The following WAC variants were observed in gnomAD, a reference collection of about 807,000 sequenced individuals.
WAC encodes the protein WW domain-containing adapter protein with coiled-coil.
In WAC, 11 loss-of-function variants were observed where a neutral mutation model predicts 79.6. The ratio of observed to expected loss-of-function variants is 0.14; its 90% CI spans 0.09 to 0.23. The LOEUF (loss-of-function observed/expected upper bound fraction) is 0.23, where lower values mean the gene tolerates loss of function less well. WAC is among the 10% of genes least tolerant of loss of function. The pLI, the probability that WAC is intolerant of heterozygous loss-of-function variation, is 1.00. For missense variants in WAC, 728 were observed against 773.5 expected (o/e 0.94, Z 0.70); for synonymous variants, 304 against 276.9 (o/e 1.10, Z -0.97).
At chr10:28,542,079 ACTCT>A (rs556656679) in intron 3 of WAC, among the ~76,000 whole-genome samples, 230 of 151,684 alleles carry the variant, frequency 1.5e-3, no homozygotes, top group African/African-American at 5.2e-3. Context: ...TGTTTGTGCT[ACTCT>A]CTCCATACTG....
Position 28,579,563 on chromosome 10 carries a change from T to C in WAC, c.275-3836T>C, listed in dbSNP as rs147817917. ...AATCTAAAACTTGTGAGGTCGCATA[T>C]AAAAATTCATGTGATATTTTAAGAT... On this transcript the variant is annotated intron_variant, in intron 3 of 13. Transcript: ENST00000354911. 5.9e-5 allele frequency among the ~76,000 whole-genome samples: 9 copies of C among 152,310 alleles called. No individual in the cohort carries two copies. The East Asian group carries it at 1.7e-3, about 29-fold the overall frequency.
chr10:28,608,483 T>C (rs757570055), intron 8 of WAC, 52 bp downstream of exon 8: 206 of 1,484,270 alleles, frequency 1.4e-4, no homozygotes, highest in Non-Finnish European at 1.7e-4. Flanking sequence ...TGCAAAGTTA[T>C]GTAAGTAGTA....
At chr10:28,589,068 C>T (rs1839967559) in intron 4 of WAC, 1 of 152,128 alleles carries the variant, frequency 6.6e-6, no homozygotes, top group Non-Finnish European at 1.5e-5. Context: ...GTTACGTTGT[C>T]TATAAAACTA....
At chr10:28,576,488 C>G (rs1839252339) in intron 3 of WAC, among the ~76,000 whole-genome samples, 1 of 152,054 alleles carries the variant, frequency 6.6e-6, no homozygotes, top group African/African-American at 2.4e-5. Flanking sequence ...TGAGATTTTT[C>G]CAAGTAGTGA....
intron 6 of WAC, 62 bp from the exon 7 acceptor site, chr10:28,595,671 T>C: frequency 6.7e-7 from 1 of 1,492,526 alleles, no homozygotes. Flanking sequence ...GATTCTAATG[T>C]AATCTTTTTT....
Position 28,622,220 on chromosome 10 carries a change from A to G in WAC, c.*2614A>G, listed in dbSNP as rs1041392070. 1 of 152,204 alleles carries G rather than the reference A, an allele frequency of 6.6e-6. No homozygotes were observed. The highest frequency in any genetic ancestry group is 1.5e-5 in the Non-Finnish European group (1 of 68,038). The allele number at this position is 152,204 out of a possible 1,614,324, so 9.4% of individuals were successfully genotyped here. On this transcript the variant is annotated 3_prime_UTR_variant, in exon 14 of 14. Transcript: ENST00000354911. ...ACAGAAAATCTAAAATTTTGTGGAAATATTTTAAATATTGCACCTTAATAC... is the reference window on the plus strand; with the variant it reads ...ACAGAAAATCTAAAATTTTGTGGAAGTATTTTAAATATTGCACCTTAATAC...
intron 3 of WAC, among the ~76,000 whole-genome samples, chr10:28,560,097 T>C (rs1214377726): frequency 6.6e-6 from 1 of 152,068 alleles, no homozygotes; most frequent in Non-Finnish European, 1.5e-5. Flanking sequence ...ATCCCAGCAC[T>C]TTGGGAGGCT....
chr10:28,532,929 G>C (rs1836338278), upstream of WAC: 1 of 153,126 alleles, frequency 6.5e-6, no homozygotes, highest in Non-Finnish European at 1.5e-5. Context: ...TCGCGAGTGA[G>C]GAAAAGAAGG....
intron 3 of WAC, among the ~76,000 whole-genome samples, chr10:28,546,201 A>G (rs1837340350): frequency 6.6e-6 from 1 of 152,200 alleles, no homozygotes; most frequent in Non-Finnish European, 1.5e-5. Context: ...CCTGTTCTGT[A>G]TTCATAGAAC....
intron 3 of WAC, among the ~76,000 whole-genome samples, chr10:28,556,174 T>A (rs1363667705): frequency 6.6e-6 from 1 of 152,128 alleles, no homozygotes; most frequent in Non-Finnish European, 1.5e-5. Context: ...TTCCATTATT[T>A]CCACCAATAG....
intron 3 of WAC, among the ~76,000 whole-genome samples, chr10:28,558,958 C>T (rs564066846): frequency 6.6e-6 from 1 of 152,142 alleles, no homozygotes; most frequent in East Asian, 1.9e-4. Flanking sequence ...GCAAATCAAC[C>T]CAGCTCAATT....
intron 3 of WAC, among the ~76,000 whole-genome samples, chr10:28,541,281 A>G (rs1249615305): frequency 6.6e-6 from 1 of 152,040 alleles, no homozygotes; most frequent in African/African-American, 2.4e-5. Context: ...GTAGTGCATC[A>G]TTTTGTTATG....
At position 28,621,215 on chromosome 10, in the gene WAC, A is replaced by ATTTTT. The variant is rs9331408; in HGVS notation, c.*1625_*1629dup. ...TAAATTGGTTTAGGGTTTTTTGGTG[A>ATTTTT]TTTTTTTTTTTTTTTTTTTTCTGTT... On this transcript the variant is annotated 3_prime_UTR_variant, in exon 14 of 14. Coordinates refer to ENST00000354911, the MANE Select transcript of WAC (RefSeq NM_016628.5). 3 of 102,500 alleles carry ATTTTT rather than the reference A, an allele frequency of 2.9e-5. No individual in the cohort carries two copies. The highest frequency in any genetic ancestry group is 5.8e-5 in the Non-Finnish European group (3 of 51,870). 6.3% of individuals were successfully genotyped at this position (102,500 alleles called of 1,614,324 possible). A position where few individuals can be genotyped will look rare whatever the true frequency, so the allele number is the denominator to read the frequency against.
intron 3 of WAC, among the ~76,000 whole-genome samples, chr10:28,550,191 T>C (rs1013391166): frequency 5.9e-5 from 9 of 151,650 alleles, no homozygotes; most frequent in Non-Finnish European, 1.2e-4. Flanking sequence ...GTTTGTTTTA[T>C]GAGCCACCAT....
intron 10 of WAC, among the ~76,000 whole-genome samples, chr10:28,613,484 CAACCAGACTAAGACCCTGTCTGG>C (rs1841342582): frequency 6.6e-6 from 1 of 152,088 alleles, no homozygotes; most frequent in Admixed American, 6.5e-5. Context: ...TGAGAGTAGG[CAACCAGACTAAGACCCTGTCTGG>C]AAAAAAAAAA....
At chr10:28,585,122 T>C (rs1308516386) in intron 4 of WAC, among the ~76,000 whole-genome samples, 1 of 152,000 alleles carries the variant, frequency 6.6e-6, no homozygotes, top group East Asian at 1.9e-4. Flanking sequence ...TATATGGGAT[T>C]GGTTAAGCAG....
At chr10:28,613,795 G>A (rs368470173) in intron 10 of WAC, among the ~76,000 whole-genome samples, 1 of 152,060 alleles carries the variant, frequency 6.6e-6, no homozygotes. Context: ...TCAATTTAGA[G>A]CTTATATTTT....
At chr10:28,588,491 G>A (rs1041558994) in intron 4 of WAC, among the ~76,000 whole-genome samples, 2 of 152,162 alleles carry the variant, frequency 1.3e-5, no homozygotes, top group Non-Finnish European at 2.9e-5. Context: ...TTGGAAACCA[G>A]AGTTTTTTGT....
In WAC at chr10:28,533,524, C is replaced by CGCCT. The variant is rs1836396595; in HGVS notation, c.-55_-52dup. 2.5e-6 allele frequency: 3 copies of CGCCT among 1,202,186 alleles called. No individual in the cohort carries two copies. Among genetic ancestry groups the CGCCT allele is most frequent in the African/African-American group, 1.6e-5 (1 of 62,148 alleles). The allele number at this position is 1,202,186 out of a possible 1,614,324, so 74.5% of individuals were successfully genotyped here. A position where few individuals can be genotyped will look rare whatever the true frequency, so the allele number is the denominator to read the frequency against. On this transcript the variant is annotated 5_prime_UTR_variant, in exon 1 of 14. Coordinates refer to ENST00000354911, the MANE Select transcript of WAC (RefSeq NM_016628.5). ...CGCCGCCGCCGCCTGCGCGCCCGCC[C>CGCCT]GCCTTTCGCGGCCGCTCTCCCCCCT...
Sources: gnomAD v4.1 joint callset for allele counts (sites outside exome capture counted in the v4.1 genomes callset) on GRCh38, gnomAD v4.1.1 for gene constraint, MANE v1.5 for transcripts, NCBI Gene and HGNC (gene_info 2026-07-23, HGNC 2026-07-21) for gene names.